Variants in AP3S2 observed in about 807,000 individuals in gnomAD.
AP3S2 encodes adaptor related protein complex 3 subunit sigma 2, also known as AP-3 complex subunit sigma-2.
A neutral mutation model predicts 23.4 loss-of-function variants in AP3S2; 22 were observed. The ratio of observed to expected loss-of-function variants is 0.94; its 90% CI spans 0.67 to 1.34. The LOEUF is 1.34. AP3S2 is among the 40% of genes most tolerant of loss of function. The pLI, the probability that AP3S2 is intolerant of heterozygous loss-of-function variation, is 0.00. For missense variants in AP3S2, 241 were observed against 236.9 expected, an observed-to-expected ratio of 1.02 and a Z score of -0.11; for synonymous variants, 86 against 87.1, an observed-to-expected ratio of 0.99 and a Z score of 0.07.
At chr15:89,873,949 C>T (rs1896381172) in intron 3 of AP3S2, among the ~76,000 whole-genome samples, 1 of 130,048 alleles carries the variant, frequency 7.7e-6, no homozygotes, top group East Asian at 2.6e-4. Flanking sequence ...GGTGTGATCT[C>T]AGAACACTGC....
chr15:89,865,566 C>T (rs1256056318), intron 4 of AP3S2: 1 of 152,214 alleles, frequency 6.6e-6, no homozygotes, highest in African/African-American at 2.4e-5. Flanking sequence ...ATACTATGGT[C>T]TACAGTCCAG....
intron 4 of AP3S2, among the ~76,000 whole-genome samples, chr15:89,851,545 G>T (rs905571999): frequency 1.3e-5 from 2 of 151,958 alleles, no homozygotes; most frequent in South Asian, 4.2e-4. Flanking sequence ...CACTATGTTG[G>T]CCAGGCTGAT....
rs1895233162 is a variant in AP3S2, at chr15:89,837,808, G to C, written c.346-86C>G. The stretch of plus-strand genomic sequence containing the variant: ...GAGGTTTCCTTTTCCTGCAGCAGCA[G>C]AGTGGTCAGATATGACCTGTCCTGA... On this transcript the variant is annotated intron_variant, in intron 4 of 5. Coordinates refer to ENST00000336418, the MANE Select transcript of AP3S2 (RefSeq NM_005829.5). 3.3e-6 allele frequency: 5 copies of C among 1,525,550 alleles called. No homozygotes were observed. The African/African-American group carries it at 5.4e-5, about 17-fold the overall frequency. The allele number at this position is 1,525,550 out of a possible 1,614,324, so 94.5% of individuals were successfully genotyped here. A position where few individuals can be genotyped will look rare whatever the true frequency, so the allele number is the denominator to read the frequency against.
At chr15:89,877,256 G>T in intron 3 of AP3S2, 2 of 1,199,390 alleles carry the variant, frequency 1.7e-6, no homozygotes, top group Non-Finnish European at 2.3e-6. Flanking sequence ...ACGGGATTGG[G>T]TTTCACATCT....
rs749934038 is a variant in AP3S2, at chr15:89,831,327, A to T, written c.*4188T>A. 5.3e-5 allele frequency: 8 copies of T among 152,212 alleles called. No homozygotes were observed. Among genetic ancestry groups the T allele is most frequent in the Non-Finnish European group, 1.2e-4 (8 of 68,034 alleles). The allele number at this position is 152,212 out of a possible 1,614,324, so 9.4% of individuals were successfully genotyped here. A position where few individuals can be genotyped will look rare whatever the true frequency, so the allele number is the denominator to read the frequency against. On this transcript the variant is annotated 3_prime_UTR_variant, in exon 6 of 6. Transcript: ENST00000336418. Reference sequence around the variant, plus strand: ...CCGTGCTGGTGTGTGAGTGCAGCACACACTGGGCTAACCATCACCACAGTG... The same window carrying T: ...CCGTGCTGGTGTGTGAGTGCAGCACTCACTGGGCTAACCATCACCACAGTG...
chr15:89,843,194 G>C (rs1895374852), intron 4 of AP3S2, among the ~76,000 whole-genome samples: 1 of 150,248 alleles, frequency 6.7e-6, no homozygotes, highest in African/African-American at 2.4e-5. Flanking sequence ...ATGTTGGTCA[G>C]GCTGGTCTCA....
chr15:89,871,362 TAA>T, intron 4 of AP3S2, 111 bp downstream of exon 4: 1 of 996,048 alleles, frequency 1.0e-6, no homozygotes, highest in East Asian at 2.6e-5. Flanking sequence ...AGGACTATCT[TAA>T]GAGTAAAAAA....
intron 4 of AP3S2, among the ~76,000 whole-genome samples, chr15:89,859,306 T>A (rs1343815411): frequency 1.3e-5 from 2 of 150,232 alleles, no homozygotes; most frequent in East Asian, 3.9e-4. Context: ...TTTTCTTCCT[T>A]CCTTCCTTTC....
At chr15:89,855,586 C>T (rs1596198151) in intron 4 of AP3S2, among the ~76,000 whole-genome samples, 1 of 143,798 alleles carries the variant, frequency 7.0e-6, no homozygotes, top group African/African-American at 2.6e-5. Flanking sequence ...TGGTGGCTCA[C>T]GACTGTAATC....
chr15:89,862,035 C>T (rs1373705868), intron 4 of AP3S2, among the ~76,000 whole-genome samples: 1 of 152,064 alleles, frequency 6.6e-6, no homozygotes, highest in East Asian at 1.9e-4. Context: ...CCAGTAGTTA[C>T]GGAAGTAAAG....
intron 3 of AP3S2, among the ~76,000 whole-genome samples, chr15:89,884,412 AT>A (rs1896644551): frequency 1.3e-5 from 2 of 152,100 alleles, no homozygotes; most frequent in Admixed American, 6.6e-5. Context: ...ATCTTTGTAG[AT>A]TAAAAAAAAA....
At chr15:89,839,434 C>A (rs1397251064) in intron 4 of AP3S2, among the ~76,000 whole-genome samples, 1 of 152,154 alleles carries the variant, frequency 6.6e-6, no homozygotes, top group Non-Finnish European at 1.5e-5. Flanking sequence ...ACATTTTATA[C>A]AATATGAATT....
At chr15:89,877,810 A>G (rs925754514) in intron 3 of AP3S2, among the ~76,000 whole-genome samples, 3 of 152,176 alleles carry the variant, frequency 2.0e-5, no homozygotes, top group African/African-American at 7.2e-5. Flanking sequence ...AAAAAAAATT[A>G]AAAAAAAGAA....
intron 4 of AP3S2, among the ~76,000 whole-genome samples, chr15:89,843,403 C>G (rs913353895): frequency 1.3e-4 from 19 of 151,744 alleles, no homozygotes; most frequent in Non-Finnish European, 2.5e-4. Context: ...TTTGGGAGGC[C>G]AAGGTGGGTG....
intron 4 of AP3S2, chr15:89,850,511 T>C (rs1895622364): frequency 6.6e-6 from 1 of 152,230 alleles, no homozygotes; most frequent in Non-Finnish European, 1.5e-5. Flanking sequence ...GAAGAGCAGA[T>C]TCAAATCTTC....
chr15:89,857,419 C>CTTT lies in AP3S2; in HGVS notation c.345+14055_345+14056insAAA, dbSNP rs1895868826. On this transcript the variant is annotated intron_variant, in intron 4 of 5. Coordinates refer to ENST00000336418, the MANE Select transcript of AP3S2 (RefSeq NM_005829.5). ...GAGAAAAGACAAAAACACTCTCAGA[C>CTTT]ATCAGTACTTCATCAAGGTCAGAGA... is the stretch of plus-strand genomic sequence containing the variant. Among the ~76,000 whole-genome samples, 7 of 137,152 alleles carry CTTT rather than the reference C, an allele frequency of 5.1e-5. 1 individual carries two copies. The highest frequency in any genetic ancestry group is 1.9e-4 in the African/African-American group (7 of 36,184). The allele number at this position is 137,152 out of a possible 152,430, so 90.0% of individuals were successfully genotyped here. A position where few individuals can be genotyped will look rare whatever the true frequency, so the allele number is the denominator to read the frequency against.
At chr15:89,846,184 G>A (rs368276122) in intron 4 of AP3S2, among the ~76,000 whole-genome samples, 4 of 152,214 alleles carry the variant, frequency 2.6e-5, no homozygotes, top group South Asian at 4.1e-4. Context: ...ATTTTAGTGA[G>A]TGAAAGTCGG....
chr15:89,887,659 G>A (rs1488402981), intron 3 of AP3S2, among the ~76,000 whole-genome samples: 1 of 147,832 alleles, frequency 6.8e-6, no homozygotes, highest in East Asian at 2.0e-4. Flanking sequence ...ACCGCACCCG[G>A]CCTATTTATT....
At chr15:89,868,069 T>A (rs1391944966) in intron 4 of AP3S2, among the ~76,000 whole-genome samples, 6 of 114,874 alleles carry the variant, frequency 5.2e-5, no homozygotes, top group Non-Finnish European at 9.2e-5. Flanking sequence ...TACTGGGAAG[T>A]GAGGAGCCCC....
Sources: allele counts gnomAD v4.1 joint callset (sites outside exome capture counted in the v4.1 genomes callset), GRCh38; gene constraint gnomAD v4.1.1; transcripts MANE v1.5; gene names NCBI Gene and HGNC (gene_info 2026-07-23, HGNC 2026-07-21).